The following CAPRIN1 variants were observed in gnomAD, a reference collection of about 807,000 sequenced individuals.
CAPRIN1 encodes the protein cell cycle associated protein 1, also known as caprin-1.
Under a neutral mutation model 100.9 loss-of-function variants are expected in CAPRIN1, and 29 were observed. The observed-to-expected ratio is 0.29, with a 90% CI of 0.21 to 0.39. The LOEUF is 0.39. CAPRIN1 is among the 10% of genes least tolerant of loss of function. The pLI, the probability that CAPRIN1 is intolerant of heterozygous loss-of-function variation, is 1.00. For synonymous variants in CAPRIN1, 338 were observed against 307.5 expected, an observed-to-expected ratio of 1.10 and a Z score of -1.04; for missense variants, 795 against 876.7, an observed-to-expected ratio of 0.91 and a Z score of 1.18.
At chr11:34,084,918 C>G (rs1159823322) in intron 9 of CAPRIN1, among the ~76,000 whole-genome samples, 1 of 151,596 alleles carries the variant, frequency 6.6e-6, no homozygotes, top group South Asian at 2.1e-4. Flanking sequence ...ATACTACTTG[C>G]CACTGTGCCA....
chr11:34,099,765 G>C lies in CAPRIN1; in HGVS notation c.*398G>C. On this transcript the variant is annotated 3_prime_UTR_variant, in exon 19 of 19. Transcript: ENST00000341394. ...GCCCTCGAGTTATTCAATGATAACT[G>C]ACAAACTAAATTATTTCCCTAGAAA... 1 of 164,560 alleles carries C rather than the reference G, an allele frequency of 6.1e-6. No individual in the cohort carries two copies. Among genetic ancestry groups the C allele is most frequent in the Non-Finnish European group, 1.3e-5 (1 of 76,048 alleles). The allele number at this position is 164,560 out of a possible 1,614,324, so 10.2% of individuals were successfully genotyped here.
At chr11:34,099,097 T>A in intron 18 of CAPRIN1, 1 of 1,424,496 alleles carries the variant, frequency 7.0e-7, no homozygotes, top group Non-Finnish European at 9.2e-7. Flanking sequence ...TTAGCTTTAC[T>A]CTTCTTTTAG....
chr11:34,087,810 A>C (rs1021832542), intron 11 of CAPRIN1, among the ~76,000 whole-genome samples: 5 of 152,142 alleles, frequency 3.3e-5, no homozygotes, highest in Non-Finnish European at 5.9e-5. Flanking sequence ...CTGTAAGGCT[A>C]TTTAGTTATT....
At chr11:34,097,365 C>CT in intron 17 of CAPRIN1, 69 bp downstream of exon 17, 1 of 1,233,284 alleles carries the variant, frequency 8.1e-7, no homozygotes. Flanking sequence ...AGTGTTGTTG[C>CT]TTAATGAACC....
At chr11:34,086,036 C>T in intron 9 of CAPRIN1, 28 bp from the exon 10 acceptor site, 35 of 1,609,216 alleles carry the variant, frequency 2.2e-5, no homozygotes, top group Non-Finnish European at 3.0e-5. Flanking sequence ...CTCTCCTATT[C>T]CTTCTAATCC....
chr11:34,078,905 T>C (rs1850957487), intron 6 of CAPRIN1, among the ~76,000 whole-genome samples: 1 of 152,228 alleles, frequency 6.6e-6, no homozygotes, highest in Admixed American at 6.5e-5. Context: ...TGTAGTACTT[T>C]TCACAGATGT....
intron 2 of CAPRIN1, among the ~76,000 whole-genome samples, chr11:34,060,632 C>T (rs572689834): frequency 6.6e-6 from 1 of 152,282 alleles, no homozygotes; most frequent in African/African-American, 2.4e-5. Context: ...AGATAGTAAG[C>T]AAAAGTTTCC....
At chr11:34,084,692 C>G (rs1006103792) in intron 9 of CAPRIN1, among the ~76,000 whole-genome samples, 3 of 152,104 alleles carry the variant, frequency 2.0e-5, no homozygotes, top group African/African-American at 7.2e-5. Flanking sequence ...GTGTACAAAC[C>G]CATTGAGCCT....
rs1014287589 is a variant in CAPRIN1 at position 34,096,806 on chromosome 11, A to G, written c.1900+133A>G. 7.2e-5 allele frequency: 45 copies of G among 626,596 alleles called. No individual in the cohort carries two copies. The African/African-American group carries it at 7.7e-4, about 11-fold the overall frequency. 38.8% of individuals were successfully genotyped at this position (626,596 alleles called of 1,614,324 possible). On this transcript the variant is annotated intron_variant, in intron 16 of 18. Transcript: ENST00000341394. ...CTCCTATGTGCAATTTAAACAATGT[A>G]TATTTTGGTACAATTTGTGTATTTG...
At chr11:34,094,351 CGGCCTGAT>C (rs1357560392) in intron 15 of CAPRIN1, among the ~76,000 whole-genome samples, 1 of 152,142 alleles carries the variant, frequency 6.6e-6, no homozygotes, top group Non-Finnish European at 1.5e-5. Flanking sequence ...CCACCATTCC[CGGCCTGAT>C]ATTTGTTGAA....
intron 2 of CAPRIN1, among the ~76,000 whole-genome samples, chr11:34,063,776 A>G (rs1850629041): frequency 1.3e-5 from 2 of 152,214 alleles, no homozygotes; most frequent in South Asian, 2.1e-4. Context: ...TGTTATCAAC[A>G]TTGTAACGTA....
intron 7 of CAPRIN1, among the ~76,000 whole-genome samples, chr11:34,082,100 G>A (rs981270486): frequency 2.0e-5 from 3 of 152,136 alleles, no homozygotes; most frequent in Admixed American, 6.5e-5. Flanking sequence ...GCGTGAGCCA[G>A]CGCGCCTGGC....
At chr11:34,083,484 TG>T (rs1851073126) in intron 9 of CAPRIN1, among the ~76,000 whole-genome samples, 1 of 152,208 alleles carries the variant, frequency 6.6e-6, no homozygotes, top group African/African-American at 2.4e-5. Flanking sequence ...CGGGTCCTCA[TG>T]TCTAGTTCAG....
intron 16 of CAPRIN1, 98 bp from the exon 17 acceptor site, chr11:34,097,098 G>T: frequency 1.2e-6 from 1 of 820,036 alleles, no homozygotes. Flanking sequence ...TAACTAGCCT[G>T]GCTTATAATT....
intron 4 of CAPRIN1, among the ~76,000 whole-genome samples, chr11:34,073,138 A>T (rs146543768): frequency 1.3e-5 from 2 of 152,360 alleles, no homozygotes; most frequent in African/African-American, 4.8e-5. Context: ...GCTGAAACAA[A>T]AAAGTTTATT....
In CAPRIN1 at chr11:34,096,534, C is replaced by T; in HGVS notation, c.1761C>T (p.His587=). Residue 587 remains histidine, a synonymous_variant, in exon 16 of 19, where the codon CAC becomes CAT. Coordinates refer to ENST00000341394, the MANE Select transcript of CAPRIN1 (RefSeq NM_005898.5). ...PDQSHQVTGN[H]QQPPQQNTGF... ...AGTCCCATCAAGTGACTGGTAACCACCAGCAGCCTCCTCAGCAGAACACTG... is the reference window on the plus strand; with the variant it reads ...AGTCCCATCAAGTGACTGGTAACCATCAGCAGCCTCCTCAGCAGAACACTG... 6.2e-7 allele frequency: 1 copy of T among 1,614,110 alleles called. No homozygotes were observed. Among genetic ancestry groups the T allele is most frequent in the Non-Finnish European group, 8.5e-7 (1 of 1,180,010 alleles).
intron 9 of CAPRIN1, among the ~76,000 whole-genome samples, chr11:34,084,681 G>C (rs1287121514): frequency 6.6e-6 from 1 of 152,110 alleles, no homozygotes; most frequent in African/African-American, 2.4e-5. Flanking sequence ...GTATATATGA[G>C]GTGTACAAAC....
Position 34,090,716 on chromosome 11 carries a change from A to G in CAPRIN1, c.1554+38A>G, listed in dbSNP as rs759761985. 18 of 1,577,144 alleles carry G rather than the reference A, an allele frequency of 1.1e-5. No individual in the cohort carries two copies. In the East Asian group the frequency reaches 3.8e-4, roughly 34 times the overall value. On this transcript the variant is annotated intron_variant, in intron 14 of 18. Coordinates refer to ENST00000341394, the MANE Select transcript of CAPRIN1 (RefSeq NM_005898.5). ...ACTAACATTAATTGCCTAGTATGTA[A>G]TATGAATCATGGTAGATTTTCTTTT...
chr11:34,069,084 T>C (rs1850757937), intron 2 of CAPRIN1, among the ~76,000 whole-genome samples: 1 of 152,000 alleles, frequency 6.6e-6, no homozygotes, highest in Admixed American at 6.6e-5. Context: ...TATTTTTAAA[T>C]AGAGGAATTG....
Sources: gnomAD v4.1 joint callset for allele counts (sites outside exome capture counted in the v4.1 genomes callset) on GRCh38, gnomAD v4.1.1 for gene constraint, MANE v1.5 for transcripts, NCBI Gene and HGNC (gene_info 2026-07-23, HGNC 2026-07-21) for gene names.